The following FBXO11 variants were observed in gnomAD, a reference collection of about 807,000 sequenced individuals.
FBXO11 encodes the protein F-box only protein 11.
FBXO11 carries 13 observed loss-of-function variants against 117.0 expected under a neutral mutation model. The ratio of observed to expected loss-of-function variants is 0.11; its 90% CI spans 0.07 to 0.18. FBXO11 has a LOEUF of 0.18. Ranked by LOEUF, FBXO11 falls within the 10% of genes least tolerant of loss-of-function variation. The pLI is 1.00. For synonymous variants in FBXO11, 490 were observed against 380.5 expected, an observed-to-expected ratio of 1.29 and a Z score of -3.35; for missense variants, 767 against 1,164.4, an observed-to-expected ratio of 0.66 and a Z score of 4.97.
chr2:47,832,296 G>C (rs1000458679), intron 11 of FBXO11, 53 bp downstream of exon 11: 3 of 1,455,660 alleles, frequency 2.1e-6, no homozygotes, highest in African/African-American at 2.8e-5. Flanking sequence ...AAACATACTT[G>C]GAATTTAACT....
rs376028845 is a variant in FBXO11, at chr2:47,845,888, G to GA, written c.233-6120dup. Reference sequence around the variant, plus strand: ...TGGTGGCTTATCTCCTACTTTACAGGAAAAAAAAAAACCAAACAAGAACTG... The same window carrying GA: ...TGGTGGCTTATCTCCTACTTTACAGGAAAAAAAAAAAACCAAACAAGAACTG... On this transcript the variant is annotated intron_variant, in intron 1 of 22. Coordinates refer to ENST00000403359, the MANE Select transcript of FBXO11 (RefSeq NM_001190274.2). 3.7e-3 allele frequency among the ~76,000 whole-genome samples: 524 copies of GA among 142,682 alleles called. 1 individual carries two copies. Among genetic ancestry groups the GA allele is most frequent in the African/African-American group, 6.0e-3 (234 of 38,806 alleles). The allele number at this position is 142,682 out of a possible 152,430, so 93.6% of individuals were successfully genotyped here. A position where few individuals can be genotyped will look rare whatever the true frequency, so the allele number is the denominator to read the frequency against.
intron 11 of FBXO11, among the ~76,000 whole-genome samples, chr2:47,829,685 G>C (rs1016625471): frequency 6.6e-6 from 1 of 151,768 alleles, no homozygotes; most frequent in Non-Finnish European, 1.5e-5. Context: ...TTGAGGAGTG[G>C]ATTAGCACTG....
At chr2:47,825,571 C>CTTCTTTT (rs1553339094) in intron 11 of FBXO11, among the ~76,000 whole-genome samples, 1 of 88,312 alleles carries the variant, frequency 1.1e-5, no homozygotes, top group African/African-American at 4.5e-5. Flanking sequence ...TCTTCTTCTT[C>CTTCTTTT]TTTTTTTTTT....
chr2:47,839,231 C>T (rs1672834693), intron 3 of FBXO11, among the ~76,000 whole-genome samples, 188 bp downstream of exon 3: 1 of 151,886 alleles, frequency 6.6e-6, no homozygotes. Flanking sequence ...AAAATAAATA[C>T]ATAAAAAGCA....
chr2:47,871,278 A>G (rs1295381504), intron 1 of FBXO11, among the ~76,000 whole-genome samples: 1 of 152,216 alleles, frequency 6.6e-6, no homozygotes, highest in East Asian at 1.9e-4. Flanking sequence ...CAGGCAACAG[A>G]AAATTGAGAC....
At chr2:47,859,504 T>A (rs560595016) in intron 1 of FBXO11, among the ~76,000 whole-genome samples, 1 of 152,310 alleles carries the variant, frequency 6.6e-6, no homozygotes, top group South Asian at 2.1e-4. Flanking sequence ...AGTAACAGGC[T>A]CTAGATGATT....
chr2:47,886,249 G>C (rs1676836818), intron 1 of FBXO11, among the ~76,000 whole-genome samples: 1 of 152,120 alleles, frequency 6.6e-6, no homozygotes, highest in Non-Finnish European at 1.5e-5. Flanking sequence ...GCCTCACGCT[G>C]TAATCCCAGC....
chr2:47,882,231 C>G (rs963642922), intron 1 of FBXO11, among the ~76,000 whole-genome samples: 1 of 152,178 alleles, frequency 6.6e-6, no homozygotes, highest in Non-Finnish European at 1.5e-5. Context: ...TTAGCTCGCA[C>G]TTTACTTTCT....
At chr2:47,829,491 C>T (rs932135260) in intron 11 of FBXO11, among the ~76,000 whole-genome samples, 2 of 152,018 alleles carry the variant, frequency 1.3e-5, no homozygotes, top group Non-Finnish European at 2.9e-5. Context: ...TCTGCCTGCT[C>T]GGCCTCCCAA....
At chr2:47,903,544 G>T (rs1449258714) in intron 1 of FBXO11, among the ~76,000 whole-genome samples, 1 of 152,152 alleles carries the variant, frequency 6.6e-6, no homozygotes, top group Non-Finnish European at 1.5e-5. Flanking sequence ...TTGAACAAAT[G>T]AATAAAAGTG....
chr2:47,827,353 C>A (rs1671833855), intron 11 of FBXO11, among the ~76,000 whole-genome samples: 2 of 152,204 alleles, frequency 1.3e-5, no homozygotes, highest in Admixed American at 1.3e-4. Flanking sequence ...GTCGCCCAGG[C>A]TGGAGCGCAG....
intron 1 of FBXO11, among the ~76,000 whole-genome samples, chr2:47,897,229 G>C (rs1448093943): frequency 1.3e-5 from 2 of 152,088 alleles, no homozygotes; most frequent in African/African-American, 2.4e-5. Flanking sequence ...ACTATGAATG[G>C]AAGATAGAAA....
At position 47,807,564 on chromosome 2, in the gene FBXO11, C is replaced by A. The variant is rs1429866199; in HGVS notation, c.*554G>T. The A allele has an allele frequency of 1.4e-5, 3 of 213,784 alleles. No homozygotes were observed. Among genetic ancestry groups the A allele is most frequent in the Non-Finnish European group, 2.8e-5 (3 of 105,872 alleles). The allele number at this position is 213,784 out of a possible 1,614,324, so 13.2% of individuals were successfully genotyped here. ...GTTACAGCAAGTCTAGGTGTGCTAA[C>A]AAAACAGGGCACATTCAAGTACAGT... On this transcript the variant is annotated 3_prime_UTR_variant, in exon 23 of 23. Transcript: ENST00000403359.
At chr2:47,886,033 T>G (rs1366796946) in intron 1 of FBXO11, among the ~76,000 whole-genome samples, 1 of 136,296 alleles carries the variant, frequency 7.3e-6, no homozygotes, top group Non-Finnish European at 1.7e-5. Context: ...GATGGGATTA[T>G]AAATTATGCA....
intron 1 of FBXO11, among the ~76,000 whole-genome samples, chr2:47,847,782 T>C (rs1673533073): frequency 6.6e-6 from 1 of 151,960 alleles, no homozygotes; most frequent in African/African-American, 2.4e-5. Context: ...GATGAAAACA[T>C]TGTTATGTGG....
intron 1 of FBXO11, among the ~76,000 whole-genome samples, chr2:47,875,516 A>C (rs761611819): frequency 2.7e-5 from 4 of 150,718 alleles, no homozygotes; most frequent in Non-Finnish European, 3.0e-5. Context: ...TTTTTAGCAC[A>C]GTATAAATAA....
intron 11 of FBXO11, 23 bp downstream of exon 11, chr2:47,832,326 C>G (rs1672258014): frequency 6.4e-7 from 1 of 1,551,336 alleles, no homozygotes; most frequent in Non-Finnish European, 8.7e-7. Flanking sequence ...GTCCGTTTTT[C>G]TATTAAAAAT....
chr2:47,827,424 A>G (rs1671840118), intron 11 of FBXO11, among the ~76,000 whole-genome samples: 1 of 152,178 alleles, frequency 6.6e-6, no homozygotes, highest in African/African-American at 2.4e-5. Context: ...CTCCTGCCTC[A>G]GCCTCCCGAG....
chr2:47,874,254 T>C (rs1452663758), intron 1 of FBXO11, among the ~76,000 whole-genome samples: 1 of 152,024 alleles, frequency 6.6e-6, no homozygotes. Context: ...CTTTAAAATA[T>C]ACATTAATCC....
Sources: gnomAD v4.1 joint callset for allele counts (sites outside exome capture counted in the v4.1 genomes callset) on GRCh38, gnomAD v4.1.1 for gene constraint, MANE v1.5 for transcripts, NCBI Gene and HGNC (gene_info 2026-07-23, HGNC 2026-07-21) for gene names.